The following KIF24 variants were observed in gnomAD, a reference collection of about 807,000 sequenced individuals.
The protein encoded by KIF24 is kinesin family member 24, also known as kinesin-like protein KIF24.
In KIF24, 81 loss-of-function variants were observed where a neutral mutation model predicts 118.9. That is an observed-to-expected ratio of 0.68 (90% CI 0.57 to 0.82). KIF24 has a LOEUF of 0.82. KIF24 is among the 40% of genes least tolerant of loss of function. The pLI is 0.00. For synonymous variants in KIF24, 599 were observed against 610.0 expected, an observed-to-expected ratio of 0.98 and a Z score of 0.27; for missense variants, 1,560 against 1,661.6, an observed-to-expected ratio of 0.94 and a Z score of 1.06.
Position 34,327,848 on chromosome 9 carries a change from AT to A in KIF24, c.-26+1257del, listed in dbSNP as rs200963126. Among the ~76,000 whole-genome samples the A allele has an allele frequency of 4.9e-3, 648 of 132,966 alleles. 3 individuals carry two copies. The highest frequency in any genetic ancestry group is 9.4e-3 in the African/African-American group (349 of 37,170). The allele number at this position is 132,966 out of a possible 152,430, so 87.2% of individuals were successfully genotyped here. On this transcript the variant is annotated intron_variant, in intron 1 of 12. Transcript: ENST00000402558. ...AGACATTTTCTCTAATAAAAAAAAA[AT>A]AATAATAATAATAAAGGGACTAAAT...
At chr9:34,322,246 C>T (rs1440013642) in intron 1 of KIF24, among the ~76,000 whole-genome samples, 1 of 152,136 alleles carries the variant, frequency 6.6e-6, no homozygotes, top group Non-Finnish European at 1.5e-5. Context: ...ACCCCATGGT[C>T]CTGCCTGCTC....
intron 11 of KIF24, among the ~76,000 whole-genome samples, 198 bp from the exon 12 acceptor site, chr9:34,255,363 A>G (rs542510188): frequency 6.6e-6 from 1 of 152,012 alleles, no homozygotes; most frequent in South Asian, 2.1e-4. Flanking sequence ...CGGAGTACCA[A>G]CGAGATACAG....
chr9:34,295,269 C>G (rs1836424259), intron 4 of KIF24, among the ~76,000 whole-genome samples: 1 of 152,084 alleles, frequency 6.6e-6, no homozygotes. Flanking sequence ...GAGTACAGTG[C>G]AAGACCACAG....
At chr9:34,310,186 G>A (rs373554220) in intron 2 of KIF24, among the ~76,000 whole-genome samples, 20 of 152,044 alleles carry the variant, frequency 1.3e-4, no homozygotes, top group African/African-American at 1.9e-4. Flanking sequence ...TGTTTTTTCC[G>A]GGGTTGAAAT....
At chr9:34,283,113 T>A (rs1214515119) in intron 6 of KIF24, among the ~76,000 whole-genome samples, 1 of 141,418 alleles carries the variant, frequency 7.1e-6, no homozygotes, top group African/African-American at 2.6e-5. Context: ...ATGCCTGTAA[T>A]CCCAGCACTT....
chr9:34,258,341 T>A (rs1834935619), intron 10 of KIF24, among the ~76,000 whole-genome samples: 1 of 151,922 alleles, frequency 6.6e-6, no homozygotes, highest in Non-Finnish European at 1.5e-5. Context: ...TGGTGATGCG[T>A]GTCTGTAGGC....
intron 1 of KIF24, among the ~76,000 whole-genome samples, chr9:34,313,738 G>C (rs1837243343): frequency 7.7e-6 from 1 of 130,360 alleles, no homozygotes; most frequent in Non-Finnish European, 1.6e-5. Flanking sequence ...CCCGTTATCT[G>C]TTTTTTTTTT....
intron 6 of KIF24, among the ~76,000 whole-genome samples, chr9:34,275,467 C>T (rs1835625606): frequency 6.6e-6 from 1 of 151,940 alleles, no homozygotes; most frequent in Admixed American, 6.6e-5. Context: ...CTTTGGGAGG[C>T]TGAGGTAGGG....
chr9:34,255,269 G>A (rs35693912), intron 11 of KIF24, 104 bp from the exon 12 acceptor site: 161,020 of 698,616 alleles, frequency 0.23, 20,793 homozygotes, highest in South Asian at 0.27. Context: ...TGCCTCTGCC[G>A]AAAATGGTCA....
chr9:34,319,520 G>A, intron 1 of KIF24: 2 of 1,235,594 alleles, frequency 1.6e-6, no homozygotes, highest in Non-Finnish European at 2.4e-6. Context: ...ATGGGAGCAA[G>A]GAGCTGCGCA....
chr9:34,267,431 C>T (rs867735874), intron 8 of KIF24, among the ~76,000 whole-genome samples: 3 of 152,124 alleles, frequency 2.0e-5, no homozygotes, highest in Middle Eastern at 6.8e-3. Context: ...AATCTAAGAA[C>T]TACCTATGAA....
At chr9:34,321,233 T>A (rs991000990) in intron 1 of KIF24, among the ~76,000 whole-genome samples, 1 of 152,132 alleles carries the variant, frequency 6.6e-6, no homozygotes, top group Non-Finnish European at 1.5e-5. Context: ...AAGATTTTTA[T>A]TTCAAATATC....
chr9:34,265,820 AAATT>A (rs1458826183), intron 8 of KIF24, among the ~76,000 whole-genome samples: 1 of 152,138 alleles, frequency 6.6e-6, no homozygotes, highest in Non-Finnish European at 1.5e-5. Context: ...ACATTTAAAT[AAATT>A]AAATAAAAAC....
At chr9:34,311,568 C>A (rs1837146488) in intron 1 of KIF24, among the ~76,000 whole-genome samples, 197 bp from the exon 2 acceptor site, 1 of 151,644 alleles carries the variant, frequency 6.6e-6, no homozygotes, top group Admixed American at 6.6e-5. Flanking sequence ...CTTTGTATTG[C>A]ATATGAAGAA....
chr9:34,293,094 G>A (rs1395150480), intron 4 of KIF24, among the ~76,000 whole-genome samples: 1 of 152,024 alleles, frequency 6.6e-6, no homozygotes, highest in African/African-American at 2.4e-5. Flanking sequence ...CACATTTTTA[G>A]CCTTCTCATA....
At chr9:34,332,816 G>A (rs1837982483), upstream of KIF24, among the ~76,000 whole-genome samples, 1 of 152,158 alleles carries the variant, frequency 6.6e-6, no homozygotes, top group South Asian at 2.1e-4. Flanking sequence ...CATGGTAGTT[G>A]GGGCTTTTCT....
chr9:34,254,494 C>G lies in KIF24; in HGVS notation c.3993G>C (p.Leu1331=). Residue 1331 remains leucine, a synonymous_variant, in exon 13 of 13, where the codon CTG becomes CTC. Transcript: ENST00000402558. ...TGGATTTCAGAACCATGATTTCATC[C>G]AGCTGGGTCACAAAATCTTCAAAAT... ...SNDFEDFVTQ[L]DEIMVLKSKC... 6.2e-7 allele frequency: 1 copy of G among 1,613,750 alleles called. No homozygotes were observed. Among genetic ancestry groups the G allele is most frequent in the Non-Finnish European group, 8.5e-7 (1 of 1,179,804 alleles).
In KIF24 at chr9:34,257,218, C is replaced by T. The variant is rs766032412; in HGVS notation, c.2389G>A (p.Glu797Lys). The change falls in exon 11 of 13, where the codon GAG becomes AAG. Residue 797 changes from glutamate to lysine, a missense_variant. By Grantham distance (56) the Glu-to-Lys change is moderately conservative (BLOSUM62 1). Around this residue, in one of 3 missense-constraint regions of KIF24, gnomAD observed 964 missense variants for 988.0 expected, o/e 0.98. Coordinates refer to ENST00000402558, the MANE Select transcript of KIF24 (RefSeq NM_194313.4). ...KRSLRQYRPP[E>K]GQLTNETPPL... ...GGAGTCTCATTCGTGAGCTGACCCT[C>T]TGGGGGCCTGTACTGGCGTAAAGAC... is the stretch of plus-strand genomic sequence containing the variant. 10 of 1,613,950 alleles carry T rather than the reference C, an allele frequency of 6.2e-6. No individual in the cohort carries two copies. In the Admixed American group the frequency reaches 8.3e-5, roughly 13 times the overall value.
chr9:34,303,937 G>T (rs1836819790), intron 3 of KIF24, among the ~76,000 whole-genome samples: 1 of 152,098 alleles, frequency 6.6e-6, no homozygotes, highest in African/African-American at 2.4e-5. Flanking sequence ...ATCTGCATTA[G>T]CTTCCATATT....
Sources: allele counts gnomAD v4.1 joint callset (sites outside exome capture counted in the v4.1 genomes callset), GRCh38; gene constraint gnomAD v4.1.1; regional missense constraint gnomAD v4.1.1; transcripts MANE v1.5; gene names NCBI Gene and HGNC (gene_info 2026-07-23, HGNC 2026-07-21).